Variants in EMID1 observed in about 807,000 individuals in gnomAD.
EMID1 encodes the protein EMI domain-containing protein 1.
EMID1 carries 40 observed loss-of-function variants against 60.6 expected under a neutral mutation model. That is an observed-to-expected ratio of 0.66 (90% confidence interval 0.51 to 0.86). The LOEUF (loss-of-function observed/expected upper bound fraction) is 0.86. Among genes scored for constraint, EMID1 ranks in the 40% least tolerant of loss-of-function variants. EMID1 has a pLI of 0.00. For synonymous variants in EMID1, 242 were observed against 231.0 expected, an observed-to-expected ratio of 1.05 and a Z score of -0.43; for missense variants, 585 against 597.1, an observed-to-expected ratio of 0.98 and a Z score of 0.21.
At chr22:29,247,784 C>T (rs997799327) in intron 13 of EMID1, among the ~76,000 whole-genome samples, 1 of 151,820 alleles carries the variant, frequency 6.6e-6, no homozygotes, top group African/African-American at 2.4e-5. Flanking sequence ...CATGAGCCAC[C>T]ACGCCCAGCT....
chr22:29,251,773 T>C (rs1488532989), intron 13 of EMID1, among the ~76,000 whole-genome samples: 2 of 152,040 alleles, frequency 1.3e-5, no homozygotes, highest in African/African-American at 2.4e-5. Flanking sequence ...CAAGTGATTA[T>C]CCTGCCTCAG....
At chr22:29,225,056 G>A (rs951301578) in intron 3 of EMID1, 77 bp from the exon 4 acceptor site, 49 of 1,476,300 alleles carry the variant, frequency 3.3e-5, no homozygotes, top group Non-Finnish European at 4.5e-5. Context: ...GTCCCTGCTG[G>A]GGCTACAGTG....
chr22:29,220,216 C>T (rs2040240635), intron 3 of EMID1, among the ~76,000 whole-genome samples: 1 of 152,244 alleles, frequency 6.6e-6, no homozygotes, highest in Admixed American at 6.5e-5. Flanking sequence ...CTGCAACCCA[C>T]TGGGTGCTCC....
chr22:29,207,978 C>T (rs943122509), intron 1 of EMID1, among the ~76,000 whole-genome samples: 14 of 152,212 alleles, frequency 9.2e-5, no homozygotes, highest in East Asian at 5.8e-4. Context: ...GATGTGTGAC[C>T]TCAAGTGGGT....
chr22:29,251,786 TC>T (rs1419659755), intron 13 of EMID1, among the ~76,000 whole-genome samples: 4 of 152,078 alleles, frequency 2.6e-5, no homozygotes, highest in African/African-American at 9.7e-5. Flanking sequence ...TGCCTCAGCC[TC>T]CCAAGTAACT....
At chr22:29,243,600 C>A in intron 13 of EMID1, 111 bp downstream of exon 13, 1 of 1,256,072 alleles carries the variant, frequency 8.0e-7, no homozygotes, top group Non-Finnish European at 1.1e-6. Context: ...TCCACATCCC[C>A]ACTACAGCCT....
At chr22:29,254,398 G>A in intron 14 of EMID1, 111 bp downstream of exon 14, 4 of 1,043,698 alleles carry the variant, frequency 3.8e-6, no homozygotes, top group South Asian at 2.6e-5. Flanking sequence ...TGGAGAAGGT[G>A]CCTGCCCCAG....
chr22:29,240,617 C>T (rs1006053455), intron 12 of EMID1, among the ~76,000 whole-genome samples: 1 of 152,192 alleles, frequency 6.6e-6, no homozygotes, highest in African/African-American at 2.4e-5. Context: ...TCTAGCACTC[C>T]CATTACCTCA....
rs375447511 is a variant in EMID1, at chr22:29,241,631, C to T, written c.1075-1814C>T. On this transcript the variant is annotated intron_variant, in intron 12 of 14. Coordinates refer to ENST00000334018, the MANE Select transcript of EMID1 (RefSeq NM_133455.4). ...CTTGAACTTGTGACCTCAGATGATC[C>T]GCCCGCCTCAGCCTCCCAAAGCACT... Among the ~76,000 whole-genome samples, 694 of 152,186 alleles carry T rather than the reference C, an allele frequency of 4.6e-3. 3 individuals are homozygous for T. Among genetic ancestry groups the T allele is most frequent in the African/African-American group, 0.016 (662 of 41,512 alleles).
chr22:29,231,765 G>A (rs2040758258), intron 7 of EMID1, 83 bp downstream of exon 7: 8 of 1,316,346 alleles, frequency 6.1e-6, no homozygotes, highest in Non-Finnish European at 8.0e-6. Context: ...GACATGGCCA[G>A]GATGACCTGG....
chr22:29,216,562 C>T (rs1024975408), intron 3 of EMID1: 58 of 985,362 alleles, frequency 5.9e-5, no homozygotes, highest in South Asian at 1.4e-4. Context: ...ACCCCAATTC[C>T]GGAAACACAA....
chr22:29,207,205 C>T (rs1045787531), intron 1 of EMID1, among the ~76,000 whole-genome samples: 1 of 152,128 alleles, frequency 6.6e-6, no homozygotes, highest in African/African-American at 2.4e-5. Context: ...GGCTGGAGGA[C>T]GGAGGTGGTT....
intron 14 of EMID1, among the ~76,000 whole-genome samples, chr22:29,256,499 A>C (rs2041712471): frequency 6.6e-6 from 1 of 150,560 alleles, no homozygotes; most frequent in Non-Finnish European, 1.5e-5. Flanking sequence ...AGAAACTTAG[A>C]TCCCAAGCAG....
rs1284960122 is a variant in EMID1 at position 29,214,031 on chromosome 22, A to G, written c.102-895A>G. 2.6e-5 allele frequency among the ~76,000 whole-genome samples: 4 copies of G among 152,358 alleles called. No individual in the cohort carries two copies. In the East Asian group the frequency reaches 7.7e-4, roughly 29 times the overall value. On this transcript the variant is annotated intron_variant, in intron 1 of 14. Coordinates refer to ENST00000334018, the MANE Select transcript of EMID1 (RefSeq NM_133455.4). ...CTTCCTCACCATCAGAGGATAGTGTAAATACCTTTAGCATATAATAAGTGC... is the reference window on the plus strand; with the variant it reads ...CTTCCTCACCATCAGAGGATAGTGTGAATACCTTTAGCATATAATAAGTGC...
At chr22:29,246,136 C>T (rs999774118) in intron 13 of EMID1, among the ~76,000 whole-genome samples, 3 of 152,198 alleles carry the variant, frequency 2.0e-5, no homozygotes, top group African/African-American at 4.8e-5. Context: ...AGTGTCCAGG[C>T]AGAGGCGAGG....
At chr22:29,241,312 A>C (rs2041145335) in intron 12 of EMID1, among the ~76,000 whole-genome samples, 1 of 152,136 alleles carries the variant, frequency 6.6e-6, no homozygotes, top group South Asian at 2.1e-4. Context: ...TCACTTCTCC[A>C]ACAGATCTAA....
intron 10 of EMID1, 198 bp from the exon 11 acceptor site, chr22:29,233,939 T>A (rs1243353506): frequency 4.4e-6 from 3 of 679,916 alleles, no homozygotes; most frequent in Non-Finnish European, 7.3e-6. Context: ...GGCAATGAGC[T>A]GTGGTGGGAC....
At position 29,256,560 on chromosome 22, in the gene EMID1, G is replaced by A. The variant is rs552803538; in HGVS notation, c.1205-2257G>A. ...GCCTCCTTCATCCAGCAAAACTGTA[G>A]GGAGCACTCATTGAAAGCCAGACCT... On this transcript the variant is annotated intron_variant, in intron 14 of 14. Transcript: ENST00000334018. Among the ~76,000 whole-genome samples, 6 of 152,124 alleles carry A rather than the reference G, an allele frequency of 3.9e-5. No homozygotes were observed. The East Asian group carries it at 9.7e-4, about 25-fold the overall frequency.
rs981561687 is a variant in EMID1 at position 29,247,936 on chromosome 22, AT to A, written c.1119+4457del. Among the ~76,000 whole-genome samples the A allele has an allele frequency of 4.2e-5, 6 of 143,160 alleles. No homozygotes were observed. The East Asian group carries it at 6.3e-4, about 15-fold the overall frequency. The allele number at this position is 143,160 out of a possible 152,430, so 93.9% of individuals were successfully genotyped here. ...GTGAGCCACCGCGCTGGTGAAATTA[AT>A]TTTTTTTTTACTTTTTTTTTTTTTT... On this transcript the variant is annotated intron_variant, in intron 13 of 14. Transcript: ENST00000334018.
Sources: allele counts gnomAD v4.1 joint callset (sites outside exome capture counted in the v4.1 genomes callset), GRCh38; gene constraint gnomAD v4.1.1; transcripts MANE v1.5; gene names NCBI Gene and HGNC (gene_info 2026-07-23, HGNC 2026-07-21).